GRIK3: variants seen among roughly 807,000 people sequenced by gnomAD.
GRIK3 encodes the protein glutamate receptor ionotropic, kainate 3.
GRIK3 carries 29 observed loss-of-function variants against 102.5 expected under a neutral mutation model. The ratio of observed to expected loss-of-function variants is 0.28; its 90% CI spans 0.21 to 0.39. GRIK3 has a LOEUF of 0.39. Ranked by LOEUF, GRIK3 falls within the 10% of genes least tolerant of loss-of-function variation. The pLI is 1.00. For missense variants in GRIK3, 908 were observed against 1,252.4 expected, an observed-to-expected ratio of 0.73 and a Z score of 4.15; for synonymous variants, 511 against 504.9, an observed-to-expected ratio of 1.01 and a Z score of -0.16.
At chr1:36,844,963 C>T (rs555343374) in intron 9 of GRIK3, among the ~76,000 whole-genome samples, 3 of 152,208 alleles carry the variant, frequency 2.0e-5, no homozygotes, top group Non-Finnish European at 4.4e-5. Flanking sequence ...AAAATTAGCA[C>T]TTCATTTGTG....
At chr1:36,972,609 G>A (rs1277564253) in intron 1 of GRIK3, among the ~76,000 whole-genome samples, 1 of 152,180 alleles carries the variant, frequency 6.6e-6, no homozygotes, top group Non-Finnish European at 1.5e-5. Flanking sequence ...CGTTCAGGGA[G>A]TCAAAATGAG....
At chr1:36,951,642 A>G (rs1378058083) in intron 1 of GRIK3, among the ~76,000 whole-genome samples, 1 of 152,192 alleles carries the variant, frequency 6.6e-6, no homozygotes, top group African/African-American at 2.4e-5. Context: ...ACTTGAGCCT[A>G]AATTAACTTT....
chr1:36,924,638 C>T (rs1641508774), intron 1 of GRIK3, among the ~76,000 whole-genome samples: 1 of 152,128 alleles, frequency 6.6e-6, no homozygotes, highest in Non-Finnish European at 1.5e-5. Flanking sequence ...AAGGGGTCAG[C>T]GCTGGCCTTG....
At chr1:36,950,720 A>C (rs1411016625) in intron 1 of GRIK3, among the ~76,000 whole-genome samples, 1 of 152,246 alleles carries the variant, frequency 6.6e-6, no homozygotes, top group Non-Finnish European at 1.5e-5. Flanking sequence ...CTGTTTGTTT[A>C]TTCTTAGAAA....
chr1:36,903,243 G>A (rs890462315), intron 1 of GRIK3, among the ~76,000 whole-genome samples: 1 of 152,126 alleles, frequency 6.6e-6, no homozygotes, highest in African/African-American at 2.4e-5. Flanking sequence ...TGTCATTGAG[G>A]AAATGTAAAT....
In GRIK3 at chr1:37,034,131, C is replaced by T. The variant is rs1211410544; in HGVS notation, c.-23G>A. ...CATCGTTGGGCGCCGCCGAGCGTGCCCGGGGCGCGGCCGTGGCGGGCTCCC... is the reference window on the plus strand; with the variant it reads ...CATCGTTGGGCGCCGCCGAGCGTGCTCGGGGCGCGGCCGTGGCGGGCTCCC... On this transcript the variant is annotated 5_prime_UTR_variant, in exon 1 of 16. Coordinates refer to ENST00000373091, the MANE Select transcript of GRIK3 (RefSeq NM_000831.4). 4 of 1,375,338 alleles carry T rather than the reference C, an allele frequency of 2.9e-6. No individual in the cohort carries two copies. The African/African-American group carries it at 4.5e-5, about 15-fold the overall frequency. The allele number at this position is 1,375,338 out of a possible 1,614,324, so 85.2% of individuals were successfully genotyped here. A position where few individuals can be genotyped will look rare whatever the true frequency, so the allele number is the denominator to read the frequency against.
At chr1:36,973,258 G>A (rs1642162620) in intron 1 of GRIK3, among the ~76,000 whole-genome samples, 1 of 152,088 alleles carries the variant, frequency 6.6e-6, no homozygotes, top group Admixed American at 6.5e-5. Context: ...TCCCTGCGTT[G>A]GCGGCGCTGG....
chr1:37,014,501 T>A (rs1485339617), intron 1 of GRIK3, among the ~76,000 whole-genome samples: 2 of 152,258 alleles, frequency 1.3e-5, no homozygotes, highest in African/African-American at 4.8e-5. Flanking sequence ...CATACCTGAA[T>A]GGAGTAATGA....
intron 1 of GRIK3, among the ~76,000 whole-genome samples, chr1:36,991,574 C>T (rs772376581): frequency 1.3e-5 from 2 of 152,200 alleles, no homozygotes; most frequent in South Asian, 2.1e-4. Flanking sequence ...TGAAAAGCAA[C>T]GTGCCTACCA....
At chr1:36,864,857 T>TA (rs3054089) in intron 5 of GRIK3, among the ~76,000 whole-genome samples, 1 of 148,836 alleles carries the variant, frequency 6.7e-6, no homozygotes, top group Non-Finnish European at 1.5e-5. Flanking sequence ...TTTTTTTTTT[T>TA]AATTCAGACT....
chr1:36,824,753 A>G (rs1003002630), intron 11 of GRIK3, among the ~76,000 whole-genome samples: 3 of 152,090 alleles, frequency 2.0e-5, no homozygotes, highest in Non-Finnish European at 4.4e-5. Flanking sequence ...AGCGGGCCCC[A>G]GCAGCCACCA....
intron 7 of GRIK3, among the ~76,000 whole-genome samples, chr1:36,854,048 C>A (rs533297271): frequency 6.6e-6 from 1 of 152,202 alleles, no homozygotes; most frequent in African/African-American, 2.4e-5. Context: ...GGGAGGCAGG[C>A]GGGCAGAGTA....
intron 5 of GRIK3, among the ~76,000 whole-genome samples, chr1:36,863,731 G>A (rs990794125): frequency 7.0e-4 from 106 of 152,138 alleles, no homozygotes; most frequent in Non-Finnish European, 2.1e-4. Flanking sequence ...CGTCAGACGC[G>A]ATTCTGCTCT....
At chr1:36,865,827 G>A (rs1640778662) in intron 5 of GRIK3, among the ~76,000 whole-genome samples, 1 of 152,340 alleles carries the variant, frequency 6.6e-6, no homozygotes, top group Non-Finnish European at 1.5e-5. Context: ...GGAGTGCAAA[G>A]TGCCCTGTTG....
At chr1:36,923,259 T>C (rs115664543) in intron 1 of GRIK3, among the ~76,000 whole-genome samples, 167 of 152,250 alleles carry the variant, frequency 1.1e-3, no homozygotes, top group African/African-American at 3.9e-3. Flanking sequence ...GTCTTTGTAA[T>C]GAAACACAGA....
intron 1 of GRIK3, among the ~76,000 whole-genome samples, chr1:36,950,667 C>T (rs1486333974): frequency 2.0e-5 from 3 of 152,244 alleles, no homozygotes; most frequent in African/African-American, 7.2e-5. Flanking sequence ...CATCCTGCTG[C>T]ACAACTTGCT....
chr1:36,808,107 G>T lies in GRIK3; in HGVS notation c.2092-1781C>A, dbSNP rs141403553. 5.3e-3 allele frequency among the ~76,000 whole-genome samples: 810 copies of T among 152,244 alleles called. 8 individuals are homozygous for T. Among genetic ancestry groups the T allele is most frequent in the African/African-American group, 0.017 (707 of 41,522 alleles). ...TCCTGTGGCCCAGGCTGTGCCCCAC[G>T]CAATATTCTTGCCCTTAAAAATCTT... On this transcript the variant is annotated intron_variant, in intron 13 of 15. Coordinates refer to ENST00000373091, the MANE Select transcript of GRIK3 (RefSeq NM_000831.4).
At chr1:36,902,082 T>G (rs1047346491) in intron 1 of GRIK3, among the ~76,000 whole-genome samples, 1 of 152,116 alleles carries the variant, frequency 6.6e-6, no homozygotes, top group African/African-American at 2.4e-5. Context: ...AATCAAAGAA[T>G]AACTAAATAA....
intron 1 of GRIK3, among the ~76,000 whole-genome samples, chr1:37,013,281 T>C (rs1276141252): frequency 6.6e-6 from 1 of 152,214 alleles, no homozygotes; most frequent in Non-Finnish European, 1.5e-5. Flanking sequence ...TTATGGGAGC[T>C]ACAAGATGAG....
Sources: allele counts gnomAD v4.1 joint callset (sites outside exome capture counted in the v4.1 genomes callset), GRCh38; gene constraint gnomAD v4.1.1; transcripts MANE v1.5; gene names NCBI Gene and HGNC (gene_info 2026-07-23, HGNC 2026-07-21).